PIBF1: variants seen among roughly 807,000 people sequenced by gnomAD.
PIBF1 encodes progesterone-induced-blocking factor 1.
In PIBF1, 90 loss-of-function variants were observed where a neutral mutation model predicts 112.5. The observed-to-expected ratio is 0.80, with a 90% CI of 0.67 to 0.95. The LOEUF (loss-of-function observed/expected upper bound fraction) is 0.95. Among genes scored for constraint, PIBF1 ranks in the 40% least tolerant of loss-of-function variants. PIBF1 has a pLI of 0.00. For missense variants in PIBF1, 915 were observed against 852.3 expected, an observed-to-expected ratio of 1.07 and a Z score of -0.92; for synonymous variants, 301 against 288.6, an observed-to-expected ratio of 1.04 and a Z score of -0.44.
chr13:72,917,644 G>A (rs2041148274), intron 13 of PIBF1, among the ~76,000 whole-genome samples: 1 of 152,166 alleles, frequency 6.6e-6, no homozygotes, highest in Non-Finnish European at 1.5e-5. Flanking sequence ...GTTATCTTGT[G>A]AGATAATGTT....
chr13:72,975,534 G>A (rs557814183), intron 16 of PIBF1, among the ~76,000 whole-genome samples: 2 of 152,220 alleles, frequency 1.3e-5, no homozygotes, highest in East Asian at 3.9e-4. Flanking sequence ...CAGAAGAATT[G>A]GAGGATTGTC....
intron 11 of PIBF1, among the ~76,000 whole-genome samples, chr13:72,904,903 TA>T (rs957956378): frequency 5.9e-5 from 9 of 152,110 alleles, no homozygotes; most frequent in African/African-American, 1.4e-4. Flanking sequence ...AAATACACCA[TA>T]AAGGGGGGTT....
intron 9 of PIBF1, among the ~76,000 whole-genome samples, chr13:72,843,864 T>A (rs1232198125): frequency 2.6e-5 from 4 of 152,180 alleles, no homozygotes; most frequent in Admixed American, 2.6e-4. Flanking sequence ...CCTAAGCTGC[T>A]AAAGCCCCTC....
chr13:72,853,975 G>A, intron 9 of PIBF1, 82 bp from the exon 10 acceptor site: 3 of 1,075,954 alleles, frequency 2.8e-6, no homozygotes, highest in Non-Finnish European at 4.2e-6. Context: ...GGGTCCTTAA[G>A]ATTGTCAGAT....
In PIBF1 at chr13:72,971,744, G is replaced by A. The variant is rs142028242; in HGVS notation, c.1965-1847G>A. Among the ~76,000 whole-genome samples, 787 of 152,110 alleles carry A rather than the reference G, an allele frequency of 5.2e-3. 9 individuals carry two copies. The highest frequency in any genetic ancestry group is 9.2e-3 in the Non-Finnish European group (628 of 67,992). ...TATAAAAACTGAGGTTCAGTGGGGT[G>A]GTATGTGTTATGCTTTACAGCACAC... On this transcript the variant is annotated intron_variant, in intron 15 of 17. Coordinates refer to ENST00000326291, the MANE Select transcript of PIBF1 (RefSeq NM_006346.4).
chr13:72,809,722 C>T (rs549960876), intron 5 of PIBF1, among the ~76,000 whole-genome samples: 125 of 151,146 alleles, frequency 8.3e-4, no homozygotes, highest in African/African-American at 2.0e-3. Flanking sequence ...CCCGAGTAGC[C>T]GGGAGTACAG....
intron 16 of PIBF1, among the ~76,000 whole-genome samples, chr13:72,980,808 A>G (rs2043138770): frequency 6.8e-6 from 1 of 146,330 alleles, no homozygotes; most frequent in African/African-American, 2.6e-5. Flanking sequence ...CCTATCTCCA[A>G]AAAAAAAAAA....
intron 12 of PIBF1, among the ~76,000 whole-genome samples, chr13:72,914,945 GCTCT>G (rs1250641261): frequency 1.3e-5 from 2 of 151,952 alleles, no homozygotes; most frequent in South Asian, 2.1e-4. Flanking sequence ...CTGTACAGTT[GCTCT>G]CTCTATTAGC....
intron 9 of PIBF1, among the ~76,000 whole-genome samples, chr13:72,842,165 T>A (rs964255300): frequency 3.3e-5 from 5 of 152,190 alleles, no homozygotes; most frequent in African/African-American, 1.2e-4. Flanking sequence ...AATTAGGTTA[T>A]GAGATAATAA....
intron 16 of PIBF1, among the ~76,000 whole-genome samples, chr13:72,980,225 G>A (rs1046368114): frequency 2.0e-5 from 3 of 152,288 alleles, no homozygotes; most frequent in African/African-American, 7.2e-5. Context: ...CATGGAAATA[G>A]AGTAAATGAA....
At chr13:72,927,724 T>C (rs998142508) in intron 13 of PIBF1, among the ~76,000 whole-genome samples, 73 of 151,674 alleles carry the variant, frequency 4.8e-4, no homozygotes, top group Admixed American at 2.8e-3. Context: ...TGCTGTGTTC[T>C]TTTGCTTAAA....
Position 72,964,088 on chromosome 13 carries a change from T to G in PIBF1, c.1834-1186T>G, listed in dbSNP as rs138901896. Among the ~76,000 whole-genome samples the G allele has an allele frequency of 2.5e-3, 375 of 152,322 alleles. 2 individuals carry two copies. Among genetic ancestry groups the G allele is most frequent in the African/African-American group, 8.8e-3 (366 of 41,578 alleles). On this transcript the variant is annotated intron_variant, in intron 14 of 17. Transcript: ENST00000326291. ...TAGCCAAACAGTGGAAACCCAAGTA[T>G]TCATCAAGAGATCAATGGATAAACA...
rs151232928 is a variant in PIBF1 at position 72,954,349 on chromosome 13, A to G, written c.1834-10925A>G. ...TCCACCTGCGAAGCAGGGGCGCCCA[A>G]CTTCTGCACTATAGCACACTTCATG... On this transcript the variant is annotated intron_variant, in intron 14 of 17. Transcript: ENST00000326291. 5.2e-3 allele frequency among the ~76,000 whole-genome samples: 798 copies of G among 152,302 alleles called. 14 individuals carry two copies. Among genetic ancestry groups the G allele is most frequent in the African/African-American group, 0.018 (750 of 41,576 alleles).
At chr13:72,864,163 G>T (rs1175337745) in intron 10 of PIBF1, among the ~76,000 whole-genome samples, 1 of 152,128 alleles carries the variant, frequency 6.6e-6, no homozygotes, top group African/African-American at 2.4e-5. Context: ...TACAATTACG[G>T]ATATATATTT....
intron 15 of PIBF1, among the ~76,000 whole-genome samples, chr13:72,972,114 G>GA (rs1477192352): frequency 6.6e-6 from 1 of 151,648 alleles, no homozygotes; most frequent in Non-Finnish European, 1.5e-5. Context: ...GCTCACTGCA[G>GA]CCTCAAACTC....
At chr13:72,941,831 G>T (rs1336742977) in intron 14 of PIBF1, among the ~76,000 whole-genome samples, 2 of 152,080 alleles carry the variant, frequency 1.3e-5, no homozygotes, top group African/African-American at 2.4e-5. Flanking sequence ...CTCTGTTTGG[G>T]TTTTAATATA....
intron 5 of PIBF1, among the ~76,000 whole-genome samples, chr13:72,801,985 TG>T (rs201335538): frequency 0.012 from 1,718 of 141,442 alleles, 31 homozygotes; most frequent in African/African-American, 0.043. Flanking sequence ...GTTATGTAAA[TG>T]TATTTTCTTA....
chr13:72,844,762 C>CGG (rs375548034), intron 9 of PIBF1, among the ~76,000 whole-genome samples: 7 of 125,970 alleles, frequency 5.6e-5, no homozygotes, highest in Admixed American at 2.3e-4. Flanking sequence ...CACACACACA[C>CGG]ACACACACAC....
chr13:72,800,828 A>G (rs989160653), intron 5 of PIBF1, among the ~76,000 whole-genome samples: 1 of 152,260 alleles, frequency 6.6e-6, no homozygotes, highest in Non-Finnish European at 1.5e-5. Flanking sequence ...AAAGAAAAAA[A>G]TAGTTCAAGA....
Sources: allele counts gnomAD v4.1 joint callset (sites outside exome capture counted in the v4.1 genomes callset), GRCh38; gene constraint gnomAD v4.1.1; transcripts MANE v1.5; gene names NCBI Gene and HGNC (gene_info 2026-07-23, HGNC 2026-07-21).